EXOC4: variants seen among roughly 807,000 people sequenced by gnomAD.
EXOC4 encodes the protein SEC8-like 1.
In EXOC4, 71 loss-of-function variants were observed where a neutral mutation model predicts 107.2. The observed-to-expected ratio is 0.66, with a 90% CI of 0.55 to 0.81. EXOC4 has a LOEUF of 0.81. Among genes scored for constraint, EXOC4 ranks in the 30% least tolerant of loss-of-function variants. The pLI is 0.00. For missense variants in EXOC4, 1,108 were observed against 1,189.6 expected, an observed-to-expected ratio of 0.93 and a Z score of 1.01; for synonymous variants, 456 against 441.2, an observed-to-expected ratio of 1.03 and a Z score of -0.42.
intron 9 of EXOC4, among the ~76,000 whole-genome samples, chr7:133,513,619 T>C (rs886650535): frequency 6.6e-6 from 1 of 152,212 alleles, no homozygotes; most frequent in Non-Finnish European, 1.5e-5. Flanking sequence ...TAATTTGTTA[T>C]TTGTTTCCTT....
At chr7:133,267,387 T>C (rs1159544224) in intron 1 of EXOC4, among the ~76,000 whole-genome samples, 2 of 152,204 alleles carry the variant, frequency 1.3e-5, no homozygotes, top group African/African-American at 4.8e-5. Flanking sequence ...TGCCATTCCA[T>C]GTTCCTTGAG....
intron 11 of EXOC4, among the ~76,000 whole-genome samples, chr7:133,877,937 G>A (rs183792477): frequency 1.3e-5 from 2 of 152,204 alleles, no homozygotes; most frequent in East Asian, 3.9e-4. Context: ...CCTGCATCAT[G>A]GCCCAGAAAC....
At chr7:133,634,411 C>G (rs1254687323) in intron 10 of EXOC4, among the ~76,000 whole-genome samples, 1 of 152,030 alleles carries the variant, frequency 6.6e-6, no homozygotes, top group Non-Finnish European at 1.5e-5. Flanking sequence ...CCTTGCTTTA[C>G]TCTTAGCCTA....
chr7:134,070,790 T>A (rs6977494), downstream of EXOC4, among the ~76,000 whole-genome samples: 116,234 of 150,924 alleles, frequency 0.77, 45,593 homozygotes, highest in African/African-American at 0.91. Context: ...GGAAAAAAAA[T>A]AAAAGGAACT....
At chr7:133,335,520 C>G (rs1036964922) in intron 5 of EXOC4, among the ~76,000 whole-genome samples, 1 of 152,022 alleles carries the variant, frequency 6.6e-6, no homozygotes, top group Non-Finnish European at 1.5e-5. Context: ...CATGTTGTAC[C>G]CTATACCAGA....
At chr7:133,887,601 G>C (rs912768056) in intron 11 of EXOC4, among the ~76,000 whole-genome samples, 2 of 152,148 alleles carry the variant, frequency 1.3e-5, no homozygotes, top group African/African-American at 2.4e-5. Context: ...TTGTTTATTA[G>C]AGAACTAAAT....
At chr7:134,050,698 A>G (rs1205242508) in intron 17 of EXOC4, among the ~76,000 whole-genome samples, 1 of 152,200 alleles carries the variant, frequency 6.6e-6, no homozygotes, top group Non-Finnish European at 1.5e-5. Flanking sequence ...TTTGGTTTGA[A>G]TGGCAGGTTG....
chr7:133,338,734 C>A (rs1039258530), intron 5 of EXOC4, among the ~76,000 whole-genome samples: 2 of 147,716 alleles, frequency 1.4e-5, no homozygotes, highest in African/African-American at 5.0e-5. Context: ...GTACACGGTA[C>A]CCAATGGTGT....
intron 9 of EXOC4, among the ~76,000 whole-genome samples, chr7:133,519,738 G>T (rs143787698): frequency 6.6e-6 from 1 of 152,156 alleles, no homozygotes; most frequent in African/African-American, 2.4e-5. Context: ...AGCATTTGTC[G>T]GAAGTCAAGT....
At chr7:133,515,008 T>A (rs967969825) in intron 9 of EXOC4, among the ~76,000 whole-genome samples, 1 of 152,164 alleles carries the variant, frequency 6.6e-6, no homozygotes, top group East Asian at 1.9e-4. Flanking sequence ...TAAAGTAATA[T>A]TAAACTATTA....
intron 9 of EXOC4, among the ~76,000 whole-genome samples, chr7:133,573,157 G>T (rs1252140965): frequency 6.6e-6 from 1 of 152,198 alleles, no homozygotes; most frequent in African/African-American, 2.4e-5. Flanking sequence ...ATATGTTTCT[G>T]TGGAGTTGTC....
At chr7:133,929,549 T>C (rs1800129492) in intron 13 of EXOC4, among the ~76,000 whole-genome samples, 1 of 152,164 alleles carries the variant, frequency 6.6e-6, no homozygotes, top group Non-Finnish European at 1.5e-5. Flanking sequence ...TACTCTTCTT[T>C]ATAGTATCTC....
At chr7:133,360,431 G>A (rs373547369) in intron 6 of EXOC4, among the ~76,000 whole-genome samples, 1 of 152,228 alleles carries the variant, frequency 6.6e-6, no homozygotes, top group African/African-American at 2.4e-5. Context: ...GTGGAGGTCA[G>A]CTTCACTTAG....
At chr7:133,851,140 T>C (rs921898438) in intron 11 of EXOC4, among the ~76,000 whole-genome samples, 2 of 152,150 alleles carry the variant, frequency 1.3e-5, no homozygotes, top group Non-Finnish European at 2.9e-5. Context: ...CTGTTCTCCT[T>C]TGGGCACTAT....
At chr7:133,697,374 T>C (rs979192) in intron 10 of EXOC4, among the ~76,000 whole-genome samples, 150,224 of 152,296 alleles carry the variant, frequency 0.99, 74,137 homozygotes, top group Middle Eastern at 1. Context: ...TTATTTCACT[T>C]AATAATTTTG....
intron 9 of EXOC4, among the ~76,000 whole-genome samples, chr7:133,602,823 G>A (rs531049279): frequency 1.3e-4 from 20 of 152,292 alleles, no homozygotes; most frequent in African/African-American, 3.6e-4. Context: ...GGGAAAGCCC[G>A]TGCTGTTAGG....
chr7:133,782,981 T>C (rs1796498733), intron 10 of EXOC4, among the ~76,000 whole-genome samples: 2 of 152,232 alleles, frequency 1.3e-5, no homozygotes. Context: ...GAATCTCAGC[T>C]ATGCCATATA....
At chr7:133,773,350 A>G (rs1291975002) in intron 10 of EXOC4, among the ~76,000 whole-genome samples, 5 of 152,002 alleles carry the variant, frequency 3.3e-5, no homozygotes, top group African/African-American at 1.2e-4. Flanking sequence ...TTTTAAAAGT[A>G]CAGATTCTCG....
chr7:133,800,027 CCA>C (rs1796901505), intron 10 of EXOC4, among the ~76,000 whole-genome samples: 5 of 149,448 alleles, frequency 3.3e-5, no homozygotes, highest in South Asian at 2.2e-4. Context: ...ATCCATCCAT[CCA>C]TCCATCCATC....
Sources: allele counts gnomAD v4.1 joint callset (sites outside exome capture counted in the v4.1 genomes callset), GRCh38; gene constraint gnomAD v4.1.1; transcripts MANE v1.5; gene names NCBI Gene and HGNC (gene_info 2026-07-23, HGNC 2026-07-21).